The following NRXN1 variants were observed in gnomAD, a reference collection of about 807,000 sequenced individuals.
NRXN1 encodes neurexin 1.
Under a neutral mutation model 150.9 loss-of-function variants are expected in NRXN1, and 39 were observed. That is an observed-to-expected ratio of 0.26 (90% confidence interval 0.20 to 0.34). The LOEUF (loss-of-function observed/expected upper bound fraction) is 0.34. NRXN1 is among the 10% of genes least tolerant of loss of function. The pLI is 1.00. For synonymous variants in NRXN1, 924 were observed against 757.0 expected (o/e 1.22, Z -3.62); for missense variants, 1,815 against 1,949.9 (o/e 0.93, Z 1.30).
chr2:50,569,020 G>A (rs1670266587), intron 8 of NRXN1, among the ~76,000 whole-genome samples: 1 of 152,062 alleles, frequency 6.6e-6, no homozygotes, highest in Admixed American at 6.6e-5. Context: ...AGGTCATATT[G>A]TTAAGTGAAA....
rs749472516 is a variant in NRXN1, at chr2:50,266,536, T to TATACAC, written c.3365-29567_3365-29566insGTGTAT. Among the ~76,000 whole-genome samples the TATACAC allele has an allele frequency of 2.4e-3, 271 of 112,806 alleles. 1 individual carries two copies. Among genetic ancestry groups the TATACAC allele is most frequent in the African/African-American group, 7.7e-3 (242 of 31,478 alleles). 74.0% of individuals were successfully genotyped at this position (112,806 alleles called of 152,430 possible). ...AAATATATTTATATATGTATATAAA[T>TATACAC]ACACACACACACACACACACACACA... On this transcript the variant is annotated intron_variant, in intron 17 of 22. Coordinates refer to ENST00000401669, the MANE Select transcript of NRXN1 (RefSeq NM_001330078.2).
intron 17 of NRXN1, among the ~76,000 whole-genome samples, chr2:50,447,102 G>T (rs894735435): frequency 6.6e-6 from 1 of 152,016 alleles, no homozygotes; most frequent in Non-Finnish European, 1.5e-5. Flanking sequence ...ATATCAGATT[G>T]CATTCTGATA....
intron 9 of NRXN1, among the ~76,000 whole-genome samples, chr2:50,544,636 T>C (rs1339740032): frequency 1.3e-5 from 2 of 152,092 alleles, no homozygotes; most frequent in African/African-American, 4.8e-5. Flanking sequence ...AAAGGGCACT[T>C]CAATAACTGT....
intron 17 of NRXN1, among the ~76,000 whole-genome samples, chr2:50,378,215 T>G (rs2080671794): frequency 6.6e-6 from 1 of 152,136 alleles, no homozygotes; most frequent in African/African-American, 2.4e-5. Context: ...TTTTTTGGGG[T>G]GATTTTCATA....
chr2:50,035,910 G>T (rs1052358626), intron 21 of NRXN1, among the ~76,000 whole-genome samples: 1 of 152,106 alleles, frequency 6.6e-6, no homozygotes, highest in Non-Finnish European at 1.5e-5. Context: ...TACTTCTAAG[G>T]AGGAAAGGAG....
At chr2:50,881,899 T>G (rs1297408718) in intron 5 of NRXN1, among the ~76,000 whole-genome samples, 1 of 151,778 alleles carries the variant, frequency 6.6e-6, no homozygotes, top group Non-Finnish European at 1.5e-5. Flanking sequence ...ACATACTGTT[T>G]TTTTAAAAAA....
chr2:50,069,384 A>C (rs1377120814), intron 19 of NRXN1, among the ~76,000 whole-genome samples: 2 of 152,184 alleles, frequency 1.3e-5, no homozygotes, highest in African/African-American at 2.4e-5. Flanking sequence ...CAGGTATCAG[A>C]TGGTGTTGTT....
rs1418152217 is a variant in NRXN1 at position 49,920,085 on chromosome 2, T to A, written c.*1859A>T. ...ATGCATTTTTTGCACTACCTTCTCA[T>A]ATTAGTAATTTATTGCTGTGAACAT... is the stretch of plus-strand genomic sequence containing the variant. On this transcript the variant is annotated 3_prime_UTR_variant, in exon 23 of 23. Transcript: ENST00000401669. 1 of 152,178 alleles carries A rather than the reference T, an allele frequency of 6.6e-6. No homozygotes were observed. The highest frequency in any genetic ancestry group is 1.5e-5 in the Non-Finnish European group (1 of 68,022). 9.4% of individuals were successfully genotyped at this position (152,178 alleles called of 1,614,324 possible).
chr2:49,984,233 T>G (rs910572598), intron 21 of NRXN1, among the ~76,000 whole-genome samples: 3 of 152,026 alleles, frequency 2.0e-5, no homozygotes, highest in African/African-American at 7.2e-5. Context: ...TAAATGTAAT[T>G]TGAAAGATAA....
intron 5 of NRXN1, among the ~76,000 whole-genome samples, chr2:50,700,331 C>T (rs1337905361): frequency 6.6e-6 from 1 of 152,120 alleles, no homozygotes; most frequent in Non-Finnish European, 1.5e-5. Context: ...ACAACTCTTC[C>T]ATTTAATTTC....
intron 17 of NRXN1, among the ~76,000 whole-genome samples, chr2:50,388,059 T>C (rs2103771421): frequency 6.6e-6 from 1 of 152,276 alleles, no homozygotes; most frequent in Non-Finnish European, 1.5e-5. Flanking sequence ...TTGAAACTTT[T>C]TGATGCCTCA....
chr2:50,551,698 G>A (rs1667568960), intron 9 of NRXN1, among the ~76,000 whole-genome samples: 1 of 152,086 alleles, frequency 6.6e-6, no homozygotes, highest in African/African-American at 2.4e-5. Context: ...AGCCCGGGGT[G>A]AAGGGAATTA....
chr2:50,011,908 T>G (rs1685733168), intron 21 of NRXN1, among the ~76,000 whole-genome samples: 1 of 152,094 alleles, frequency 6.6e-6, no homozygotes, highest in Non-Finnish European at 1.5e-5. Flanking sequence ...ATATTCTTAG[T>G]CATGATTACA....
At chr2:50,784,208 T>C (rs996485974) in intron 5 of NRXN1, among the ~76,000 whole-genome samples, 1 of 152,150 alleles carries the variant, frequency 6.6e-6, no homozygotes, top group African/African-American at 2.4e-5. Context: ...ACTAGGGTTA[T>C]AAAATATATC....
At chr2:50,737,560 A>C (rs548082534) in intron 5 of NRXN1, among the ~76,000 whole-genome samples, 21 of 152,312 alleles carry the variant, frequency 1.4e-4, no homozygotes, top group African/African-American at 5.1e-4. Flanking sequence ...CGTGACCTCT[A>C]TGCTGCATAG....
At chr2:50,717,970 T>C (rs558728209) in intron 5 of NRXN1, among the ~76,000 whole-genome samples, 1 of 152,136 alleles carries the variant, frequency 6.6e-6, no homozygotes, top group Non-Finnish European at 1.5e-5. Flanking sequence ...ACAAATGAAT[T>C]GGGAAGGCGG....
chr2:50,604,094 C>T (rs1192516009), intron 8 of NRXN1, among the ~76,000 whole-genome samples: 3 of 152,160 alleles, frequency 2.0e-5, no homozygotes, highest in Non-Finnish European at 4.4e-5. Context: ...CTGTATCTCC[C>T]ACTGGATCTG....
chr2:50,422,249 T>G (rs2104268703), intron 17 of NRXN1, among the ~76,000 whole-genome samples: 1 of 152,264 alleles, frequency 6.6e-6, no homozygotes, highest in South Asian at 2.1e-4. Flanking sequence ...TTGCACACAA[T>G]GTAACATGAT....
Position 49,921,768 on chromosome 2 carries a change from T to C in NRXN1, c.*176A>G, listed in dbSNP as rs200127927. On this transcript the variant is annotated 3_prime_UTR_variant, in exon 23 of 23. Coordinates refer to ENST00000401669, the MANE Select transcript of NRXN1 (RefSeq NM_001330078.2). Reference sequence around the variant, plus strand: ...TTTTTTGTTTTTTGTTTTTCTTTTTTGAGAAACAAGAGCATGAGATACTTG... The same window carrying C: ...TTTTTTGTTTTTTGTTTTTCTTTTTCGAGAAACAAGAGCATGAGATACTTG... The C allele has an allele frequency of 3.2e-5, 22 of 684,478 alleles. No homozygotes were observed. Among genetic ancestry groups the C allele is most frequent in the Non-Finnish European group, 5.2e-5 (22 of 425,466 alleles). The allele number at this position is 684,478 out of a possible 1,614,324, so 42.4% of individuals were successfully genotyped here. A position where few individuals can be genotyped will look rare whatever the true frequency, so the allele number is the denominator to read the frequency against.
Sources: allele counts gnomAD v4.1 joint callset (sites outside exome capture counted in the v4.1 genomes callset), GRCh38; gene constraint gnomAD v4.1.1; transcripts MANE v1.5; gene names NCBI Gene and HGNC (gene_info 2026-07-23, HGNC 2026-07-21).